WDFY4: variants seen among roughly 807,000 people sequenced by gnomAD.
The protein encoded by WDFY4 is WDFY family member 4, also known as WD repeat- and FYVE domain-containing protein 4.
In WDFY4, 169 loss-of-function variants were observed where a neutral mutation model predicts 351.9. The observed-to-expected ratio is 0.48, with a 90% CI of 0.42 to 0.55. WDFY4 has a LOEUF of 0.55. Among genes scored for constraint, WDFY4 ranks in the 20% least tolerant of loss-of-function variants. The pLI is 0.00. For synonymous variants in WDFY4, 1,622 were observed against 1,574.6 expected (o/e 1.03, Z -0.71); for missense variants, 3,803 against 3,935.6 (o/e 0.97, Z 0.90).
intron 47 of WDFY4, among the ~76,000 whole-genome samples, chr10:48,909,225 T>C (rs1473080514): frequency 1.3e-5 from 2 of 152,240 alleles, no homozygotes; most frequent in African/African-American, 4.8e-5. Context: ...AGCAGATTGT[T>C]TACATTTATT....
chr10:48,908,120 C>T (rs1461860654), intron 47 of WDFY4, among the ~76,000 whole-genome samples: 2 of 152,216 alleles, frequency 1.3e-5, no homozygotes, highest in Non-Finnish European at 2.9e-5. Context: ...TCTGCTGTAT[C>T]CTTAGCCGTA....
chr10:48,806,033 A>G lies in WDFY4; in HGVS notation c.4676A>G (p.Lys1559Arg). The change falls in exon 27 of 62, where the codon AAG becomes AGG. Residue 1559 changes from lysine to arginine, a missense_variant. By Grantham distance (26) the Lys-to-Arg change is conservative. This residue lies in a region of WDFY4 where 3,054 missense variants were observed against 3,148.6 expected (regional missense o/e 0.97). Transcript: ENST00000325239. ...RIGLFVVYTL[K>R]PSSVNERQIC... Reference sequence around the variant, plus strand: ...GGGCTGTTTGTTGTGTACACCCTCAAGCCTTCGTCGGTGAATGAGAGGCAG... The same window carrying G: ...GGGCTGTTTGTTGTGTACACCCTCAGGCCTTCGTCGGTGAATGAGAGGCAG... The G allele has an allele frequency of 1.9e-6, 3 of 1,551,636 alleles. No homozygotes were observed. The highest frequency in any genetic ancestry group is 2.6e-6 in the Non-Finnish European group (3 of 1,146,976).
At chr10:48,916,202 G>A (rs144041587) in intron 47 of WDFY4, among the ~76,000 whole-genome samples, 56 of 152,206 alleles carry the variant, frequency 3.7e-4, no homozygotes, top group Admixed American at 1.6e-3. Context: ...CCCCTCAACC[G>A]TTTCTCTTGG....
chr10:48,704,925 C>G (rs897234633), intron 1 of WDFY4, among the ~76,000 whole-genome samples: 7 of 149,022 alleles, frequency 4.7e-5, no homozygotes, highest in African/African-American at 1.7e-4. Flanking sequence ...CTAATAGTGA[C>G]CTGTGCCAAG....
At chr10:48,961,875 G>T (rs964367209) in intron 53 of WDFY4, among the ~76,000 whole-genome samples, 1 of 152,116 alleles carries the variant, frequency 6.6e-6, no homozygotes, top group African/African-American at 2.4e-5. Context: ...TCTGGAGGTG[G>T]CGATAAGGAC....
chr10:48,912,367 G>T (rs965940359), intron 47 of WDFY4, among the ~76,000 whole-genome samples: 1 of 152,244 alleles, frequency 6.6e-6, no homozygotes, highest in East Asian at 1.9e-4. Flanking sequence ...CACTTCACGA[G>T]TGAGGGAACC....
rs2066053116 is a variant in WDFY4, at chr10:48,777,000, A to G, written c.3098+16A>G. ...AAGGTTATGGGTATGACAGGCTTTC[A>G]CATATTTAAAATGCACTTTATTAAT... On this transcript the variant is annotated intron_variant, in intron 16 of 61. Coordinates refer to ENST00000325239, the MANE Select transcript of WDFY4 (RefSeq NM_001394531.1). 1 of 1,540,680 alleles carries G rather than the reference A, an allele frequency of 6.5e-7. No individual in the cohort carries two copies. The highest frequency in any genetic ancestry group is 1.2e-5 in the South Asian group (1 of 82,426).
At chr10:48,740,055 G>A (rs1198471093) in intron 11 of WDFY4, among the ~76,000 whole-genome samples, 1 of 152,156 alleles carries the variant, frequency 6.6e-6, no homozygotes, top group Non-Finnish European at 1.5e-5. Flanking sequence ...TGTTTGTTTT[G>A]TCGTGTGTTA....
chr10:48,850,224 A>T (rs370889779), intron 39 of WDFY4, among the ~76,000 whole-genome samples: 61 of 152,222 alleles, frequency 4.0e-4, no homozygotes, highest in Admixed American at 5.9e-4. Context: ...CTAAGTCCAT[A>T]CCACCCTCAA....
rs1391433847 is a variant in WDFY4, at chr10:48,826,880, G to A, written c.6192G>A (p.Met2064Ile). The change falls in exon 36 of 62, where the codon ATG becomes ATA. Residue 2064 changes from methionine (M) to isoleucine (I), a missense_variant. Coordinates refer to ENST00000325239, the MANE Select transcript of WDFY4 (RefSeq NM_001394531.1). ...NSNISFLLCL[M>I]HCLLLLNERS... ...ACATCAGCTTCCTCCTGTGTCTCAT[G>A]CATTGCCTTTTGCTACTCAATGAGA... The A allele has an allele frequency of 6.4e-7, 1 of 1,551,684 alleles. No individual in the cohort carries two copies.
chr10:48,830,913 G>A (rs930107627), intron 38 of WDFY4, 28 bp downstream of exon 38: 1 of 1,538,650 alleles, frequency 6.5e-7, no homozygotes, highest in Non-Finnish European at 8.8e-7. Flanking sequence ...TCCAGGGAAT[G>A]GGAACTCCTG....
In WDFY4 at chr10:48,837,650, G is replaced by C. The variant is rs866764714; in HGVS notation, c.6663+4941G>C. ...GCTCTGAGAAGAGACAGCACCTGGGGGTGGGAAGTCTGGCATTCAGATGGC... is the reference window on the plus strand; with the variant it reads ...GCTCTGAGAAGAGACAGCACCTGGGCGTGGGAAGTCTGGCATTCAGATGGC... On this transcript the variant is annotated intron_variant, in intron 39 of 61. Coordinates refer to ENST00000325239, the MANE Select transcript of WDFY4 (RefSeq NM_001394531.1). Among the ~76,000 whole-genome samples the C allele has an allele frequency of 3.9e-5, 6 of 152,288 alleles. No homozygotes were observed. In the South Asian group the frequency reaches 1.2e-3, roughly 32 times the overall value.
At position 48,901,842 on chromosome 10, in the gene WDFY4, C is replaced by T. The variant is rs370255043; in HGVS notation, c.7565C>T (p.Ser2522Leu). 4.5e-5 allele frequency: 70 copies of T among 1,551,570 alleles called. 1 individual carries two copies. The Middle Eastern group carries it at 5.0e-4, about 11-fold the overall frequency. ...FQPSLKGKATSEDTLSLRRYP... is the reference protein window; with the variant it reads ...FQPSLKGKATLEDTLSLRRYP... ...CCCAGCCTGAAGGGGAAAGCCACCT[C>T]GGAGGACACCCTCAGTCTAAGGTAA... is the stretch of plus-strand genomic sequence containing the variant. The change falls in exon 47 of 62, where the codon TCG becomes TTG. Residue 2522 changes from serine (S) to leucine (L), a missense_variant. By Grantham distance (145) the Ser-to-Leu change is moderately radical (BLOSUM62 -2). Transcript: ENST00000325239.
chr10:48,798,399 A>C (rs2066945070), intron 24 of WDFY4, among the ~76,000 whole-genome samples: 1 of 152,194 alleles, frequency 6.6e-6, no homozygotes, highest in African/African-American at 2.4e-5. Flanking sequence ...AGATTGGCCA[A>C]GAAAAGAAGA....
At position 48,897,570 on chromosome 10, in the gene WDFY4, T is replaced by G; in HGVS notation, c.7433T>G (p.Leu2478Arg). 6.5e-7 allele frequency: 1 copy of G among 1,546,430 alleles called. No homozygotes were observed. The highest frequency in any genetic ancestry group is 8.7e-7 in the Non-Finnish European group (1 of 1,146,904). ...MRELRQARFL[L>R]QDIALEIFFH... The stretch of plus-strand genomic sequence containing the variant: ...GAGCTACGGCAGGCTCGCTTCCTCC[T>G]GCAGGTAAGCACACTGGGTGCTGGC... Residue 2478 changes from leucine to arginine, a missense_variant, in exon 45 of 62, where the codon CTG (leucine) becomes CGG (arginine). Coordinates refer to ENST00000325239, the MANE Select transcript of WDFY4 (RefSeq NM_001394531.1).
chr10:48,944,384 A>C (rs1840938355), intron 49 of WDFY4, among the ~76,000 whole-genome samples: 1 of 152,198 alleles, frequency 6.6e-6, no homozygotes, highest in Non-Finnish European at 1.5e-5. Flanking sequence ...AAGGATGGGG[A>C]GTAAAACTCC....
intron 13 of WDFY4, among the ~76,000 whole-genome samples, chr10:48,772,996 G>A (rs192591967): frequency 9.2e-5 from 14 of 151,840 alleles, no homozygotes; most frequent in South Asian, 2.1e-4. Flanking sequence ...GAATAATGCC[G>A]CAATAAACAT....
intron 54 of WDFY4, among the ~76,000 whole-genome samples, chr10:48,966,117 A>C (rs1842070206): frequency 6.6e-6 from 1 of 152,140 alleles, no homozygotes; most frequent in Non-Finnish European, 1.5e-5. Flanking sequence ...AGAGTTGGTG[A>C]GGGAAGGATG....
At chr10:48,742,944 A>G in intron 11 of WDFY4, 24 bp from the exon 12 acceptor site, 1 of 1,529,552 alleles carries the variant, frequency 6.5e-7, no homozygotes, top group Non-Finnish European at 8.8e-7. Context: ...GAGTGCACTC[A>G]TTTTGATTTG....
Sources: allele counts gnomAD v4.1 joint callset (sites outside exome capture counted in the v4.1 genomes callset), GRCh38; gene constraint gnomAD v4.1.1; regional missense constraint gnomAD v4.1.1; transcripts MANE v1.5; gene names NCBI Gene and HGNC (gene_info 2026-07-23, HGNC 2026-07-21).